The following GAPVD1 variants were observed in gnomAD, a reference collection of about 807,000 sequenced individuals.
GAPVD1 encodes the protein GTPase activating protein and VPS9 domains 1.
Under a neutral mutation model 155.5 loss-of-function variants are expected in GAPVD1, and 35 were observed. That is an observed-to-expected ratio of 0.23 (90% CI 0.17 to 0.30). The LOEUF (loss-of-function observed/expected upper bound fraction) is 0.30. GAPVD1 is among the 10% of genes least tolerant of loss of function. GAPVD1 has a pLI of 1.00. For missense variants in GAPVD1, 1,429 were observed against 1,775.7 expected (o/e 0.80, Z 3.51); for synonymous variants, 636 against 619.7 (o/e 1.03, Z -0.39).
chr9:125,302,843 ATT>A lies in GAPVD1; in HGVS notation c.1029+18_1029+19del. ...CTGATGCAGGTATGCTTTTGCTATT[ATT>A]ATTAACGTGGCATTTAGTTTAAAAT... On this transcript the variant is annotated intron_variant, in intron 5 of 27. Coordinates refer to ENST00000297933, the MANE Select transcript of GAPVD1 (RefSeq NM_001282680.3). 2 of 1,562,252 alleles carry A rather than the reference ATT, an allele frequency of 1.3e-6. No individual in the cohort carries two copies. Among genetic ancestry groups the A allele is most frequent in the East Asian group, 4.5e-5 (2 of 44,352 alleles).
intron 16 of GAPVD1, 36 bp downstream of exon 16, chr9:125,337,131 C>T (rs2131983572): frequency 6.3e-7 from 1 of 1,593,958 alleles, no homozygotes; most frequent in Non-Finnish European, 8.6e-7. Flanking sequence ...ACTTATGTCA[C>T]AGACAGGAGG....
At chr9:125,263,815 C>A in intron 1 of GAPVD1, 1 of 1,087,188 alleles carries the variant, frequency 9.2e-7, no homozygotes. Context: ...CTCTGGACAG[C>A]TATGGCGTAG....
In GAPVD1 at chr9:125,338,669, A is replaced by C. The variant is rs192600115; in HGVS notation, c.2877+1078A>C. ...CATCTTTGGCAGGAATATCACTGAA[A>C]TGACACTTTTTTTCATTGCACTTTG... On this transcript the variant is annotated intron_variant, in intron 17 of 27. Transcript: ENST00000297933. Among the ~76,000 whole-genome samples the C allele has an allele frequency of 3.9e-5, 6 of 152,328 alleles. No homozygotes were observed. In the East Asian group the frequency reaches 1.2e-3, roughly 29 times the overall value.
intron 9 of GAPVD1, among the ~76,000 whole-genome samples, chr9:125,314,866 C>T (rs1188251795): frequency 1.3e-5 from 2 of 149,080 alleles, no homozygotes; most frequent in Non-Finnish European, 3.0e-5. Context: ...CGGCTCACTG[C>T]GAGGTCCACC....
intron 10 of GAPVD1, 150 bp downstream of exon 10, chr9:125,321,712 G>T: frequency 1.5e-6 from 1 of 677,910 alleles, no homozygotes; most frequent in South Asian, 2.3e-5. Context: ...TGAACAGTTG[G>T]CTGTAAAGAT....
At chr9:125,291,044 T>C (rs1028184153) in intron 2 of GAPVD1, among the ~76,000 whole-genome samples, 1 of 150,904 alleles carries the variant, frequency 6.6e-6, no homozygotes, top group East Asian at 1.9e-4. Context: ...CCCAGAACTT[T>C]GGGAGGCCAA....
At chr9:125,320,065 G>T (rs1844076660) in intron 9 of GAPVD1, among the ~76,000 whole-genome samples, 1 of 151,674 alleles carries the variant, frequency 6.6e-6, no homozygotes, top group Non-Finnish European at 1.5e-5. Context: ...TACATGTTTT[G>T]ATATACATTG....
rs1851457558 is a variant in GAPVD1 at position 125,366,118 on chromosome 9, G to C, written c.*3372G>C. On this transcript the variant is annotated 3_prime_UTR_variant, in exon 28 of 28. Coordinates refer to ENST00000297933, the MANE Select transcript of GAPVD1 (RefSeq NM_001282680.3). Reference sequence around the variant, plus strand: ...GTAGTAGGAGGCTCAGGTTTTCTAAGGGATTGCAAATGTGCTGCATGGTTT... The same window carrying C: ...GTAGTAGGAGGCTCAGGTTTTCTAACGGATTGCAAATGTGCTGCATGGTTT... 1 of 152,214 alleles carries C rather than the reference G, an allele frequency of 6.6e-6. No homozygotes were observed. 9.4% of individuals were successfully genotyped at this position (152,214 alleles called of 1,614,324 possible). A position where few individuals can be genotyped will look rare whatever the true frequency, so the allele number is the denominator to read the frequency against.
At chr9:125,352,563 C>T (rs1187129366) in intron 23 of GAPVD1, among the ~76,000 whole-genome samples, 2 of 152,196 alleles carry the variant, frequency 1.3e-5, no homozygotes, top group Admixed American at 6.5e-5. Flanking sequence ...GCATGGGGAC[C>T]CTGGGCCTGG....
At position 125,302,190 on chromosome 9, in the gene GAPVD1, A is replaced by T; in HGVS notation, c.393A>T (p.Thr131=). 1 of 1,613,784 alleles carries T rather than the reference A, an allele frequency of 6.2e-7. No homozygotes were observed. ...AGAACACACAAAGTGTTATTTACAC[A>T]GTTTTTACCTCCCTGTATGGCAATT... ...NQENTQSVIY[T]VFTSLYGNCI... is the part of the protein sequence containing the mutation. The change falls in exon 5 of 28, where the codon ACA becomes ACT. Residue 131 remains threonine (T), a synonymous_variant. Coordinates refer to ENST00000297933, the MANE Select transcript of GAPVD1 (RefSeq NM_001282680.3).
At chr9:125,319,601 C>A (rs1238310033) in intron 9 of GAPVD1, among the ~76,000 whole-genome samples, 2 of 121,514 alleles carry the variant, frequency 1.6e-5, no homozygotes, top group Non-Finnish European at 3.5e-5. Context: ...GAAAAAAAAA[C>A]TTTTTTTTTT....
At position 125,266,579 on chromosome 9, in the gene GAPVD1, C is replaced by T. The variant is rs370262737; in HGVS notation, c.-198-2357C>T. On this transcript the variant is annotated intron_variant, in intron 1 of 27. Transcript: ENST00000297933. ...CCACCTGCCTCGGCCTCCCAAAGTG[C>T]TGGGATTACAGGCGTGAGCCACCGC... Among the ~76,000 whole-genome samples, 117 of 152,146 alleles carry T rather than the reference C, an allele frequency of 7.7e-4. 1 individual carries two copies. Among genetic ancestry groups the T allele is most frequent in the South Asian group, 3.5e-3 (17 of 4,818 alleles).
At chr9:125,326,256 G>T (rs781652389) in intron 11 of GAPVD1, among the ~76,000 whole-genome samples, 160 bp from the exon 12 acceptor site, 3 of 152,198 alleles carry the variant, frequency 2.0e-5, no homozygotes, top group African/African-American at 7.2e-5. Flanking sequence ...AGTGGCTCAC[G>T]CCTGTAATCC....
intron 8 of GAPVD1, among the ~76,000 whole-genome samples, chr9:125,311,265 A>C (rs116071093): frequency 6.6e-6 from 1 of 151,806 alleles, no homozygotes; most frequent in African/African-American, 2.4e-5. Flanking sequence ...AACATAAATA[A>C]ATTTTCTCTC....
chr9:125,283,233 A>G (rs976971747), intron 2 of GAPVD1, among the ~76,000 whole-genome samples: 11 of 151,654 alleles, frequency 7.3e-5, no homozygotes, highest in Admixed American at 4.0e-4. Context: ...CTAATTTTGT[A>G]TTTTTAGTCG....
intron 2 of GAPVD1, among the ~76,000 whole-genome samples, chr9:125,293,147 A>T (rs1838871378): frequency 6.6e-6 from 1 of 152,190 alleles, no homozygotes; most frequent in South Asian, 2.1e-4. Context: ...CTTGCTGAGG[A>T]GAGGATGGTT....
At chr9:125,305,397 G>A (rs989678777) in intron 6 of GAPVD1, among the ~76,000 whole-genome samples, 8 of 139,278 alleles carry the variant, frequency 5.7e-5, no homozygotes, top group African/African-American at 1.6e-4. Context: ...TTTTTGAGAT[G>A]GAGTCTCGCT....
intron 25 of GAPVD1, among the ~76,000 whole-genome samples, chr9:125,358,118 C>CT (rs975886680): frequency 6.6e-6 from 1 of 151,890 alleles, no homozygotes; most frequent in African/African-American, 2.4e-5. Context: ...GTATTTTCTC[C>CT]TTTTTTTGAG....
intron 15 of GAPVD1, among the ~76,000 whole-genome samples, chr9:125,334,223 G>T (rs1250429156): frequency 6.7e-6 from 1 of 150,186 alleles, no homozygotes; most frequent in African/African-American, 2.5e-5. Flanking sequence ...ATTTGCTGGG[G>T]CCCTAGCAGG....
Sources: gnomAD v4.1 joint callset for allele counts (sites outside exome capture counted in the v4.1 genomes callset) on GRCh38, gnomAD v4.1.1 for gene constraint, MANE v1.5 for transcripts, NCBI Gene and HGNC (gene_info 2026-07-23, HGNC 2026-07-21) for gene names.